The following ARHGAP35 variants were observed in gnomAD, a reference collection of about 807,000 sequenced individuals.
ARHGAP35 encodes Rho GTPase activating protein 35, also known as rho GTPase-activating protein 35.
ARHGAP35 carries 15 observed loss-of-function variants against 111.1 expected under a neutral mutation model. The observed-to-expected ratio is 0.13, with a 90% CI of 0.09 to 0.21. ARHGAP35 has a LOEUF of 0.21. ARHGAP35 is among the 10% of genes least tolerant of loss of function. ARHGAP35 has a pLI of 1.00. For missense variants in ARHGAP35, 1,262 were observed against 1,873.0 expected (o/e 0.67, Z 6.02); for synonymous variants, 643 against 710.3 (o/e 0.91, Z 1.51).
intron 3 of ARHGAP35, among the ~76,000 whole-genome samples, chr19:46,987,541 A>G (rs776647968): frequency 3.3e-5 from 5 of 152,348 alleles, no homozygotes; most frequent in Middle Eastern, 3.4e-3. Flanking sequence ...CAGCATGACT[A>G]TTCTTACAGT....
chr19:46,921,262 C>T lies in ARHGAP35; in HGVS notation c.2587C>T (p.Arg863Cys). The T allele has an allele frequency of 6.2e-7, 1 of 1,613,976 alleles. No individual in the cohort carries two copies. Among genetic ancestry groups the T allele is most frequent in the Non-Finnish European group, 8.5e-7 (1 of 1,179,886 alleles). ...HGYIVFYSAK[R>C]KASLAMLRAF... is the part of the protein sequence containing the mutation. ...GTACATTGTTTTTTATTCAGCCAAACGTAAGGCCTCTTTGGCTATGTTACG... is the reference window on the plus strand; with the variant it reads ...GTACATTGTTTTTTATTCAGCCAAATGTAAGGCCTCTTTGGCTATGTTACG... Residue 863 changes from arginine to cysteine, a missense_variant, in exon 2 of 7, where the codon CGT becomes TGT. Arg to Cys is a radical substitution (Grantham distance 180). Around this residue, in one of 8 missense-constraint regions of ARHGAP35, gnomAD observed 579 missense variants for 716.9 expected, o/e 0.81. Coordinates refer to ENST00000672722, the MANE Select transcript of ARHGAP35 (RefSeq NM_004491.5). The surrounding 1 kb of genome is among the most constrained non-coding windows in gnomAD (Gnocchi z 4.3).
At chr19:46,883,301 T>C (rs1329436751) in intron 1 of ARHGAP35, among the ~76,000 whole-genome samples, 1 of 151,508 alleles carries the variant, frequency 6.6e-6, no homozygotes, top group Non-Finnish European at 1.5e-5. Context: ...GGTTTCGCCA[T>C]GTTGGCCAGG....
At position 46,921,746 on chromosome 19, in the gene ARHGAP35, T is replaced by C; in HGVS notation, c.3071T>C (p.Phe1024Ser). ...CTGGAGGGAAATGATGGGCTGTCTT[T>C]CATTATGAGCAATTTTGAGAGTAAA... ...MELEGNDGLS[F>S]IMSNFESKLN... Residue 1024 changes from phenylalanine to serine, a missense_variant, in exon 2 of 7, where the codon TTC (phenylalanine) becomes TCC (serine). Phe to Ser is a radical substitution (Grantham distance 155). Transcript: ENST00000672722. The surrounding 1 kb of genome is among the most constrained non-coding windows in gnomAD (Gnocchi z 4.3). 2 of 1,614,006 alleles carry C rather than the reference T, an allele frequency of 1.2e-6. No individual in the cohort carries two copies. Among genetic ancestry groups the C allele is most frequent in the Non-Finnish European group, 1.7e-6 (2 of 1,179,892 alleles).
At chr19:46,864,792 A>G (rs2055846577) in intron 1 of ARHGAP35, among the ~76,000 whole-genome samples, 1 of 152,362 alleles carries the variant, frequency 6.6e-6, no homozygotes, top group Middle Eastern at 3.4e-3. Context: ...CTTGTGTGTC[A>G]TGATTAATTT....
At position 46,921,376 on chromosome 19, in the gene ARHGAP35, A is replaced by C; in HGVS notation, c.2701A>C (p.Ser901Arg). ...GAVDVLDNDL[S>R]REQLTEGEEI... is the part of the protein sequence containing the mutation. Reference sequence around the variant, plus strand: ...TGTAGATGTCCTGGACAATGACTTAAGTAGGGAACAGCTAACTGAGGGGGA... The same window carrying C: ...TGTAGATGTCCTGGACAATGACTTACGTAGGGAACAGCTAACTGAGGGGGA... The change falls in exon 2 of 7, where the codon AGT becomes CGT. Residue 901 changes from serine (S) to arginine (R), a missense_variant. Physicochemically the swap from Ser to Arg is moderately radical, Grantham distance 110. Around this residue, in one of 8 missense-constraint regions of ARHGAP35, gnomAD observed 579 missense variants for 716.9 expected, o/e 0.81. Coordinates refer to ENST00000672722, the MANE Select transcript of ARHGAP35 (RefSeq NM_004491.5). This position sits in a 1 kb window ranked among gnomAD's most constrained non-coding sequence, Gnocchi z 4.3. 6.2e-7 allele frequency: 1 copy of C among 1,613,986 alleles called. No individual in the cohort carries two copies. Among genetic ancestry groups the C allele is most frequent in the African/African-American group, 1.3e-5 (1 of 75,032 alleles).
In ARHGAP35 at chr19:46,999,321, C is replaced by A; in HGVS notation, c.4054C>A (p.Gln1352Lys). 1 of 1,589,440 alleles carries A rather than the reference C, an allele frequency of 6.3e-7. No individual in the cohort carries two copies. The highest frequency in any genetic ancestry group is 8.6e-7 in the Non-Finnish European group (1 of 1,167,950). Residue 1352 changes from glutamine (Q) to lysine (K), a missense_variant, in exon 6 of 7, where the codon CAG becomes AAG. Transcript: ENST00000672722. The surrounding 1 kb of genome is among the most constrained non-coding windows in gnomAD (Gnocchi z 5.4). ...CTCCTCAGAAATCAACGACCGGGAG[C>A]AGAAGTTGCATGCCCTTAAGGAGGT... is the stretch of plus-strand genomic sequence containing the variant. Reference protein sequence around the residue: ...VEAHKINDREQKLHALKEVLK... With the variant: ...VEAHKINDREKKLHALKEVLK...
chr19:46,918,656 C>A lies in ARHGAP35; in HGVS notation c.-20C>A, dbSNP rs531331148. 8.7e-6 allele frequency: 14 copies of A among 1,600,550 alleles called. No individual in the cohort carries two copies. In the South Asian group the frequency reaches 1.4e-4, roughly 15 times the overall value. ...TAATCTGATCTCAGAAGTGGCTGAT[C>A]GTGGCAGGATGTGTCGACGATGATG... On this transcript the variant is annotated 5_prime_UTR_variant, in exon 2 of 7. Coordinates refer to ENST00000672722, the MANE Select transcript of ARHGAP35 (RefSeq NM_004491.5). The surrounding 1 kb of genome is among the most constrained non-coding windows in gnomAD (Gnocchi z 5.4).
intron 3 of ARHGAP35, among the ~76,000 whole-genome samples, chr19:46,943,000 C>A (rs925443282): frequency 6.6e-6 from 1 of 151,832 alleles, no homozygotes; most frequent in African/African-American, 2.4e-5. Context: ...AGGCCCTTGC[C>A]GTCCAGAACA....
rs1020137736 is a variant in ARHGAP35 at position 46,861,093 on chromosome 19, A to AGCC, written c.-292_-290dup. 1.8e-4 allele frequency among the ~76,000 whole-genome samples: 27 copies of AGCC among 149,388 alleles called. No individual in the cohort carries two copies. Among genetic ancestry groups the AGCC allele is most frequent in the African/African-American group, 5.9e-4 (24 of 40,714 alleles). ...GGTCCGCCCGGCCCCCCGCCGCCGG[A>AGCC]GCCGCCGCCGCCGCCTCAGCCGCCG... On this transcript the variant is annotated 5_prime_UTR_variant, in exon 1 of 7. Coordinates refer to ENST00000672722, the MANE Select transcript of ARHGAP35 (RefSeq NM_004491.5).
At position 46,921,630 on chromosome 19, in the gene ARHGAP35, A is replaced by C. The variant is rs375450853; in HGVS notation, c.2955A>C (p.Ser985=). 146 of 1,613,748 alleles carry C rather than the reference A, an allele frequency of 9.0e-5. No individual in the cohort carries two copies. Among genetic ancestry groups the C allele is most frequent in the Middle Eastern group, 4.9e-4 (3 of 6,084 alleles). ...TCTGCAACTCAAACCTGCAGGATTC[A>C]GAAGAAGATATCGAGCCATCTTACA... The part of the protein sequence containing the change: ...SPLCNSNLQD[S]EEDIEPSYSL... The change falls in exon 2 of 7, where the codon TCA becomes TCC. Residue 985 remains serine, a synonymous_variant. Transcript: ENST00000672722. This position sits in a 1 kb window ranked among gnomAD's most constrained non-coding sequence, Gnocchi z 4.3.
intron 1 of ARHGAP35, among the ~76,000 whole-genome samples, chr19:46,873,257 C>G (rs528876951): frequency 6.6e-6 from 1 of 152,274 alleles, no homozygotes; most frequent in South Asian, 2.1e-4. Context: ...CAAGTCTACT[C>G]CATGGTGGAT....
intron 5 of ARHGAP35, among the ~76,000 whole-genome samples, chr19:46,991,188 G>A (rs1274593219): frequency 2.0e-5 from 3 of 152,190 alleles, no homozygotes; most frequent in Non-Finnish European, 2.9e-5. Context: ...ATGTGAAGTC[G>A]CATGGGAAAT....
chr19:46,934,505 T>C (rs746128318), intron 2 of ARHGAP35, among the ~76,000 whole-genome samples: 8 of 151,544 alleles, frequency 5.3e-5, no homozygotes, highest in Non-Finnish European at 7.4e-5. Flanking sequence ...GTAGCTGGGA[T>C]TACAGGCACT....
chr19:47,003,345 C>A lies in ARHGAP35; in HGVS notation c.*2657C>A, dbSNP rs888021180. On this transcript the variant is annotated 3_prime_UTR_variant, in exon 7 of 7. Coordinates refer to ENST00000672722, the MANE Select transcript of ARHGAP35 (RefSeq NM_004491.5). ...GCTCATGGGACTCGCATGCAGCTCT[C>A]AGCACTGGGTGGGAGGGCGTTGGCT... is the stretch of plus-strand genomic sequence containing the variant. 6.6e-6 allele frequency: 1 copy of A among 152,326 alleles called. No individual in the cohort carries two copies. Among genetic ancestry groups the A allele is most frequent in the African/African-American group, 2.4e-5 (1 of 41,466 alleles). 9.4% of individuals were successfully genotyped at this position (152,326 alleles called of 1,614,324 possible). A position where few individuals can be genotyped will look rare whatever the true frequency, so the allele number is the denominator to read the frequency against.
intron 2 of ARHGAP35, among the ~76,000 whole-genome samples, chr19:46,925,450 A>G (rs1290311178): frequency 6.6e-6 from 1 of 152,186 alleles, no homozygotes; most frequent in African/African-American, 2.4e-5. Flanking sequence ...AAAGCAATAC[A>G]ATATTTATTT....
intron 2 of ARHGAP35, among the ~76,000 whole-genome samples, chr19:46,936,994 T>C (rs1164699562): frequency 6.6e-6 from 1 of 151,784 alleles, no homozygotes; most frequent in African/African-American, 2.4e-5. Flanking sequence ...CGCCCACCAC[T>C]ACGCCTGGCT....
intron 1 of ARHGAP35, among the ~76,000 whole-genome samples, chr19:46,902,007 T>C (rs969806812): frequency 6.6e-6 from 1 of 152,226 alleles, no homozygotes; most frequent in African/African-American, 2.4e-5. Context: ...TAATATTACC[T>C]TTCTCAGAAT....
intron 1 of ARHGAP35, among the ~76,000 whole-genome samples, chr19:46,907,556 G>A (rs1374609437): frequency 1.3e-5 from 2 of 151,592 alleles, no homozygotes; most frequent in African/African-American, 4.9e-5. Flanking sequence ...TCGGCTCACT[G>A]CAAGCTCCGC....
At chr19:46,982,568 A>G (rs1191351355) in intron 3 of ARHGAP35, among the ~76,000 whole-genome samples, 2 of 152,068 alleles carry the variant, frequency 1.3e-5, no homozygotes, top group Admixed American at 1.3e-4. Flanking sequence ...CTTTGTTCCT[A>G]AAGTATGTGG....
Sources: gnomAD v4.1 joint callset for allele counts (sites outside exome capture counted in the v4.1 genomes callset) on GRCh38, gnomAD v4.1.1 for gene constraint, gnomAD v4.1.1 regional missense constraint, Gnocchi (gnomAD v3.1) non-coding constraint, MANE v1.5 for transcripts, NCBI Gene and HGNC (gene_info 2026-07-23, HGNC 2026-07-21) for gene names.